KIF16B: variants seen among roughly 807,000 people sequenced by gnomAD.
KIF16B encodes kinesin-like protein KIF16B.
KIF16B carries 98 observed loss-of-function variants against 156.3 expected under a neutral mutation model. The observed-to-expected ratio is 0.63, with a 90% confidence interval of 0.53 to 0.74. The LOEUF (loss-of-function observed/expected upper bound fraction) is 0.74, where lower values mean the gene tolerates loss of function less well. Among genes scored for constraint, KIF16B ranks in the 30% least tolerant of loss-of-function variants. The probability of loss-of-function intolerance (pLI) is 0.00; values close to 1 mark genes in which losing one functional copy is unlikely to be tolerated. For synonymous variants in KIF16B, 564 were observed against 583.7 expected, an observed-to-expected ratio of 0.97 and a Z score of 0.49; for missense variants, 1,421 against 1,606.5, an observed-to-expected ratio of 0.88 and a Z score of 1.97.
intron 12 of KIF16B, among the ~76,000 whole-genome samples, chr20:16,450,032 T>C (rs2067035650): frequency 6.6e-6 from 1 of 152,120 alleles, no homozygotes; most frequent in Non-Finnish European, 1.5e-5. Flanking sequence ...TTATATAAAT[T>C]AATATACTAT....
At chr20:16,309,355 A>G (rs1458778867) in intron 25 of KIF16B, among the ~76,000 whole-genome samples, 3 of 152,158 alleles carry the variant, frequency 2.0e-5, no homozygotes, top group Non-Finnish European at 4.4e-5. Flanking sequence ...GTGGTGCAGT[A>G]TGTTAAATGT....
At chr20:16,416,865 G>A (rs184617423) in intron 15 of KIF16B, among the ~76,000 whole-genome samples, 3 of 152,198 alleles carry the variant, frequency 2.0e-5, no homozygotes, top group South Asian at 4.1e-4. Flanking sequence ...GTGGACAAGT[G>A]CAAAAGAGAG....
At chr20:16,362,307 T>C (rs926204618) in intron 22 of KIF16B, among the ~76,000 whole-genome samples, 1 of 151,056 alleles carries the variant, frequency 6.6e-6, no homozygotes, top group East Asian at 2.0e-4. Context: ...TACAAACTTA[T>C]GTGCATCAAA....
At chr20:16,568,563 C>T (rs1313353509) in intron 1 of KIF16B, among the ~76,000 whole-genome samples, 2 of 152,082 alleles carry the variant, frequency 1.3e-5, no homozygotes, top group Non-Finnish European at 2.9e-5. Flanking sequence ...CCTGTAATCC[C>T]AGCATTCTGG....
chr20:16,337,628 G>A (rs1206708724), intron 23 of KIF16B, among the ~76,000 whole-genome samples: 2 of 152,194 alleles, frequency 1.3e-5, no homozygotes, highest in African/African-American at 2.4e-5. Context: ...TGGCAAGCAC[G>A]TCACTTGAGC....
intron 12 of KIF16B, among the ~76,000 whole-genome samples, chr20:16,438,262 G>A (rs918374689): frequency 6.6e-5 from 10 of 152,152 alleles, no homozygotes; most frequent in Non-Finnish European, 1.5e-4. Flanking sequence ...AGGCCCCCCT[G>A]TATCTGAAGT....
chr20:16,373,812 A>G (rs988658132), intron 20 of KIF16B, among the ~76,000 whole-genome samples: 3 of 152,308 alleles, frequency 2.0e-5, no homozygotes, highest in Middle Eastern at 3.4e-3. Context: ...GTCCACTTAC[A>G]TGTCAGTTTT....
intron 17 of KIF16B, among the ~76,000 whole-genome samples, chr20:16,391,138 G>A (rs1391503283): frequency 1.3e-5 from 2 of 152,146 alleles, no homozygotes; most frequent in Non-Finnish European, 2.9e-5. Context: ...GAAGACAAAT[G>A]AGAGGTACAC....
In KIF16B at chr20:16,536,121, G is replaced by A. The variant is rs916493287; in HGVS notation, c.48-7681C>T. The stretch of plus-strand genomic sequence containing the variant: ...CAATGAATGAACGGATCAAGAAAAT[G>A]TAGTATATACACACACTATGGAATA... On this transcript the variant is annotated intron_variant, in intron 1 of 25. Coordinates refer to ENST00000354981, the MANE Select transcript of KIF16B (RefSeq NM_024704.5). Among the ~76,000 whole-genome samples, 56 of 152,244 alleles carry A rather than the reference G, an allele frequency of 3.7e-4. 3 individuals are homozygous for A. Among genetic ancestry groups the A allele is most frequent in the Admixed American group, 3.9e-4 (6 of 15,296 alleles).
At chr20:16,351,912 C>T (rs767318063) in intron 23 of KIF16B, among the ~76,000 whole-genome samples, 3 of 152,202 alleles carry the variant, frequency 2.0e-5, no homozygotes, top group Non-Finnish European at 4.4e-5. Context: ...GTGACATATC[C>T]ATACAGTGGG....
intron 15 of KIF16B, among the ~76,000 whole-genome samples, chr20:16,410,184 G>C (rs1174240618): frequency 7.3e-6 from 1 of 137,542 alleles, no homozygotes; most frequent in Non-Finnish European, 1.6e-5. Context: ...TATATATGTA[G>C]GTACATATAC....
chr20:16,304,326 T>G (rs892802901), intron 25 of KIF16B, among the ~76,000 whole-genome samples: 1 of 152,196 alleles, frequency 6.6e-6, no homozygotes, highest in Non-Finnish European at 1.5e-5. Context: ...CACATATACA[T>G]AGGATTTCTG....
intron 17 of KIF16B, among the ~76,000 whole-genome samples, chr20:16,391,904 C>T (rs1013514847): frequency 1.3e-5 from 2 of 152,260 alleles, no homozygotes; most frequent in South Asian, 2.1e-4. Flanking sequence ...AGGTTTCAAC[C>T]GGTGATTTCT....
chr20:16,341,471 C>T (rs906419438), intron 23 of KIF16B, among the ~76,000 whole-genome samples: 2 of 152,102 alleles, frequency 1.3e-5, no homozygotes, highest in Non-Finnish European at 2.9e-5. Flanking sequence ...AACCATTAAC[C>T]CTGTGTATAT....
intron 23 of KIF16B, among the ~76,000 whole-genome samples, chr20:16,347,145 G>C (rs1187023069): frequency 6.6e-6 from 1 of 152,128 alleles, no homozygotes; most frequent in Non-Finnish European, 1.5e-5. Context: ...CACAGTGCTT[G>C]GACACTCAAC....
intron 12 of KIF16B, among the ~76,000 whole-genome samples, chr20:16,464,674 G>A (rs6105607): frequency 0.047 from 7,078 of 152,146 alleles, 223 homozygotes; most frequent in African/African-American, 0.09. Context: ...TCCTAAGCAC[G>A]GCTGCAGCTT....
chr20:16,437,901 G>A (rs2066685909), intron 12 of KIF16B, among the ~76,000 whole-genome samples: 1 of 151,668 alleles, frequency 6.6e-6, no homozygotes, highest in Non-Finnish European at 1.5e-5. Flanking sequence ...GGGAGGCTGA[G>A]ATGGGCGGAT....
intron 15 of KIF16B, among the ~76,000 whole-genome samples, chr20:16,422,815 A>G (rs2066258673): frequency 1.3e-5 from 2 of 152,192 alleles, no homozygotes; most frequent in Non-Finnish European, 2.9e-5. Context: ...TATTTTTCCA[A>G]ATGCAAACAA....
chr20:16,504,977 C>T (rs1053466389), intron 9 of KIF16B, among the ~76,000 whole-genome samples: 17 of 152,144 alleles, frequency 1.1e-4, no homozygotes, highest in African/African-American at 3.9e-4. Flanking sequence ...CAAATCTATC[C>T]ATTCTCTTCT....
Sources: allele counts gnomAD v4.1 joint callset (sites outside exome capture counted in the v4.1 genomes callset), GRCh38; gene constraint gnomAD v4.1.1; transcripts MANE v1.5; gene names NCBI Gene and HGNC (gene_info 2026-07-23, HGNC 2026-07-21).